The following IL19 variants were observed in gnomAD, a reference collection of about 807,000 sequenced individuals.
IL19 encodes the protein interleukin 19.
Under a neutral mutation model 19.5 loss-of-function variants are expected in IL19, and 15 were observed. The ratio of observed to expected loss-of-function variants is 0.77; its 90% CI spans 0.52 to 1.19. The LOEUF (loss-of-function observed/expected upper bound fraction) is 1.19, where lower values mean the gene tolerates loss of function less well. Among genes scored for constraint, IL19 ranks in the 50% most tolerant of loss-of-function variants. The pLI is 0.00. For missense variants in IL19, 199 were observed against 213.1 expected (o/e 0.93, Z 0.41); for synonymous variants, 78 against 78.3 (o/e 1.00, Z 0.02).
intron 2 of IL19, among the ~76,000 whole-genome samples, chr1:206,799,382 G>A (rs2102459776): frequency 6.6e-6 from 1 of 152,242 alleles, no homozygotes; most frequent in South Asian, 2.1e-4. Flanking sequence ...CAAAAAGGGG[G>A]AATTTACTGT....
intron 2 of IL19, among the ~76,000 whole-genome samples, chr1:206,802,901 C>G (rs1675753650): frequency 6.6e-6 from 1 of 152,146 alleles, no homozygotes; most frequent in Non-Finnish European, 1.5e-5. Context: ...GACAGGAAAG[C>G]AAGGGGAATG....
intron 2 of IL19, among the ~76,000 whole-genome samples, chr1:206,803,259 A>T (rs189936104): frequency 5.6e-4 from 85 of 152,278 alleles, no homozygotes; most frequent in Non-Finnish European, 1.0e-3. Flanking sequence ...TTGGGGTGCC[A>T]GGAAGTCGGG....
chr1:206,818,969 C>T (rs538009080), intron 2 of IL19, among the ~76,000 whole-genome samples: 1 of 151,800 alleles, frequency 6.6e-6, no homozygotes, highest in Non-Finnish European at 1.5e-5. Flanking sequence ...CCTGCCACAG[C>T]GCCCAGGTAA....
intron 2 of IL19, among the ~76,000 whole-genome samples, chr1:206,819,786 G>A (rs1295554242): frequency 6.6e-6 from 1 of 152,136 alleles, no homozygotes; most frequent in South Asian, 2.1e-4. Context: ...TTCACTGGCC[G>A]CTTATTGAGC....
At chr1:206,832,201 A>C (rs1453859501) in intron 2 of IL19, among the ~76,000 whole-genome samples, 33 of 152,256 alleles carry the variant, frequency 2.2e-4, no homozygotes, top group Admixed American at 2.2e-3. Context: ...CTCCTAACAA[A>C]GGTGTCTTCT....
intron 2 of IL19, among the ~76,000 whole-genome samples, chr1:206,818,744 C>A (rs1482160094): frequency 5.3e-5 from 8 of 152,012 alleles, no homozygotes; most frequent in African/African-American, 1.9e-4. Flanking sequence ...AAAATTGTTT[C>A]TCTGCTCCAG....
At chr1:206,772,822 G>A (rs1008875891) in intron 1 of IL19, among the ~76,000 whole-genome samples, 4 of 152,164 alleles carry the variant, frequency 2.6e-5, no homozygotes, top group East Asian at 1.9e-4. Context: ...TCTCATTCGC[G>A]TGTTCCTAGG....
intron 1 of IL19, chr1:206,772,554 T>A: frequency 1.1e-6 from 1 of 920,922 alleles, no homozygotes; most frequent in Non-Finnish European, 1.7e-6. Flanking sequence ...TCTTCATTCA[T>A]TAAAAAGCCA....
At chr1:206,806,870 C>A (rs1008843090) in intron 2 of IL19, among the ~76,000 whole-genome samples, 2 of 152,180 alleles carry the variant, frequency 1.3e-5, no homozygotes, top group African/African-American at 4.8e-5. Flanking sequence ...GTCTAGTAAA[C>A]CAGATCATGT....
At chr1:206,791,632 CTG>C (rs1220200247) in intron 1 of IL19, among the ~76,000 whole-genome samples, 1 of 152,210 alleles carries the variant, frequency 6.6e-6, no homozygotes, top group Non-Finnish European at 1.5e-5. Flanking sequence ...TGTCTGCACA[CTG>C]TGCTCAGTCC....
chr1:206,798,341 A>C (rs1675579170), intron 1 of IL19, among the ~76,000 whole-genome samples: 1 of 152,122 alleles, frequency 6.6e-6, no homozygotes, highest in African/African-American at 2.4e-5. Context: ...TCCCCTCTGC[A>C]AGGGAAGTGG....
intron 4 of IL19, among the ~76,000 whole-genome samples, chr1:206,838,471 C>A (rs1451295805): frequency 6.6e-6 from 1 of 152,198 alleles, no homozygotes; most frequent in Admixed American, 6.5e-5. Flanking sequence ...TAGCCACTTA[C>A]TAAATAATAT....
chr1:206,804,956 C>A (rs1432000004), intron 2 of IL19, among the ~76,000 whole-genome samples: 1 of 152,182 alleles, frequency 6.6e-6, no homozygotes, highest in Non-Finnish European at 1.5e-5. Flanking sequence ...AAATCATACC[C>A]TTCTTTGAAG....
intron 1 of IL19, among the ~76,000 whole-genome samples, chr1:206,787,537 A>G (rs1675295152): frequency 1.3e-5 from 2 of 152,214 alleles, no homozygotes; most frequent in South Asian, 4.1e-4. Flanking sequence ...CTCAAATGGT[A>G]AAGACCTAGG....
At chr1:206,791,043 T>C (rs1484083744) in intron 1 of IL19, among the ~76,000 whole-genome samples, 1 of 152,240 alleles carries the variant, frequency 6.6e-6, no homozygotes, top group Non-Finnish European at 1.5e-5. Context: ...TTCCCACATC[T>C]GGTCAGTTTT....
intron 2 of IL19, among the ~76,000 whole-genome samples, chr1:206,823,653 T>A (rs1676352803): frequency 6.6e-6 from 1 of 152,230 alleles, no homozygotes; most frequent in Admixed American, 6.5e-5. Flanking sequence ...TTATCTATTT[T>A]ATTTTTGTGT....
chr1:206,841,137 C>T, intron 6 of IL19, 59 bp downstream of exon 6: 3 of 1,326,906 alleles, frequency 2.3e-6, no homozygotes, highest in Non-Finnish European at 3.3e-6. Context: ...AGGAGGGTGC[C>T]AGGCCTTCAG....
chr1:206,830,198 G>A (rs1676554822), intron 2 of IL19, among the ~76,000 whole-genome samples: 1 of 152,088 alleles, frequency 6.6e-6, no homozygotes, highest in Non-Finnish European at 1.5e-5. Context: ...ACTTCCTTGC[G>A]GTGCCATGGA....
intron 2 of IL19, among the ~76,000 whole-genome samples, chr1:206,832,664 T>C (rs1676648658): frequency 6.6e-6 from 1 of 152,234 alleles, no homozygotes; most frequent in East Asian, 1.9e-4. Flanking sequence ...TTTGCAATTC[T>C]ATGTTCATAC....
Sources: allele counts gnomAD v4.1 joint callset (sites outside exome capture counted in the v4.1 genomes callset), GRCh38; gene constraint gnomAD v4.1.1; transcripts MANE v1.5; gene names NCBI Gene and HGNC (gene_info 2026-07-23, HGNC 2026-07-21).